BTBD9: variants seen among roughly 807,000 people sequenced by gnomAD.
The protein encoded by BTBD9 is BTB domain containing 9, also known as BTB/POZ domain-containing protein 9.
Under a neutral mutation model 64.3 loss-of-function variants are expected in BTBD9, and 49 were observed. That is an observed-to-expected ratio of 0.76 (90% CI 0.61 to 0.97). The LOEUF (loss-of-function observed/expected upper bound fraction) is 0.97, where lower values mean the gene tolerates loss of function less well. Ranked by LOEUF, BTBD9 falls within the 50% of genes least tolerant of loss-of-function variation. The pLI is 0.00. For synonymous variants in BTBD9, 260 were observed against 274.7 expected (o/e 0.95, Z 0.53); for missense variants, 598 against 762.1 (o/e 0.78, Z 2.53).
intron 7 of BTBD9, among the ~76,000 whole-genome samples, chr6:38,306,068 T>C (rs142137423): frequency 5.8e-4 from 89 of 152,352 alleles, no homozygotes; most frequent in African/African-American, 1.8e-3. Context: ...AGTGATTCTA[T>C]ATCTGAATGC....
intron 6 of BTBD9, among the ~76,000 whole-genome samples, chr6:38,574,246 C>T (rs776871810): frequency 1.3e-5 from 2 of 152,114 alleles, no homozygotes; most frequent in Non-Finnish European, 2.9e-5. Flanking sequence ...TAGATAACAT[C>T]GACTATCTTG....
At chr6:38,489,518 T>C (rs909505026) in intron 6 of BTBD9, among the ~76,000 whole-genome samples, 47 of 152,196 alleles carry the variant, frequency 3.1e-4, no homozygotes, top group African/African-American at 1.0e-3. Flanking sequence ...TTTCACTTAA[T>C]GTCAGCATTT....
At chr6:38,456,394 A>G (rs1769808591) in intron 6 of BTBD9, among the ~76,000 whole-genome samples, 1 of 152,152 alleles carries the variant, frequency 6.6e-6, no homozygotes. Context: ...TATCATATGG[A>G]GGTTTATGTT....
chr6:38,547,906 G>A (rs774133122), intron 6 of BTBD9, among the ~76,000 whole-genome samples: 2 of 152,040 alleles, frequency 1.3e-5, no homozygotes, highest in Non-Finnish European at 2.9e-5. Context: ...ATATTATCTG[G>A]CACACTGTAG....
intron 6 of BTBD9, among the ~76,000 whole-genome samples, chr6:38,429,209 C>G (rs1768324573): frequency 6.6e-6 from 1 of 151,394 alleles, no homozygotes; most frequent in Admixed American, 6.6e-5. Flanking sequence ...AATCCCAGCA[C>G]TTTGGGAGGC....
rs79226540 is a variant in BTBD9, at chr6:38,630,947, G to A, written c.-28+8853C>T. Among the ~76,000 whole-genome samples the A allele has an allele frequency of 6.3e-3, 965 of 152,254 alleles. 9 individuals are homozygous for A. Among genetic ancestry groups the A allele is most frequent in the African/African-American group, 0.022 (900 of 41,546 alleles). ...CTGTACCATATGGAAATTGAAACAC[G>A]TGCCTTCAGACAGTGGTTGAGGAAG... is the stretch of plus-strand genomic sequence containing the variant. On this transcript the variant is annotated intron_variant, in intron 1 of 10. Transcript: ENST00000481247.
chr6:38,551,670 C>T (rs964401944), intron 6 of BTBD9, among the ~76,000 whole-genome samples: 2 of 152,180 alleles, frequency 1.3e-5, no homozygotes, highest in Admixed American at 1.3e-4. Context: ...GACTCTAGAA[C>T]TGCACCCTGA....
intron 1 of BTBD9, among the ~76,000 whole-genome samples, chr6:38,602,053 T>C (rs1777264048): frequency 6.6e-6 from 1 of 152,176 alleles, no homozygotes; most frequent in African/African-American, 2.4e-5. Context: ...TGTTTGGGGA[T>C]AGAATGATCC....
In BTBD9 at chr6:38,594,259, G is replaced by A; in HGVS notation, c.254C>T (p.Ala85Val). The change falls in exon 3 of 11, where the codon GCA becomes GTA. Residue 85 changes from alanine to valine, a missense_variant. Ala to Val is a moderately conservative substitution (Grantham distance 64, BLOSUM62 0). Coordinates refer to ENST00000481247, the MANE Select transcript of BTBD9 (RefSeq NM_001099272.2). ...TTTGAGTAGCATTGTGAATGCTTCTGCAGTGGTGTCTTGGAGAGGAATTTC... is the reference window on the plus strand; with the variant it reads ...TTTGAGTAGCATTGTGAATGCTTCTACAGTGGTGTCTTGGAGAGGAATTTC... ...EAEIPLQDTT[A>V]EAFTMLLKYI... 1 of 1,614,172 alleles carries A rather than the reference G, an allele frequency of 6.2e-7. No individual in the cohort carries two copies.
intron 7 of BTBD9, among the ~76,000 whole-genome samples, chr6:38,302,215 C>T (rs1762429416): frequency 6.6e-6 from 1 of 151,884 alleles, no homozygotes; most frequent in Admixed American, 6.6e-5. Flanking sequence ...AACAGAACAC[C>T]AGAACTTATT....
At chr6:38,564,627 G>A (rs1441550458) in intron 6 of BTBD9, among the ~76,000 whole-genome samples, 2 of 152,132 alleles carry the variant, frequency 1.3e-5, no homozygotes, top group African/African-American at 2.4e-5. Context: ...GGTGACTCAC[G>A]CCTGTAATCC....
intron 8 of BTBD9, among the ~76,000 whole-genome samples, chr6:38,269,386 A>G (rs1390875050): frequency 2.0e-5 from 3 of 152,230 alleles, no homozygotes; most frequent in Non-Finnish European, 1.5e-5. Context: ...CTAGAGGAAA[A>G]AATGGCTCAT....
intron 6 of BTBD9, among the ~76,000 whole-genome samples, chr6:38,386,795 C>G (rs1278906757): frequency 6.6e-6 from 1 of 151,894 alleles, no homozygotes; most frequent in Non-Finnish European, 1.5e-5. Flanking sequence ...GGTGTATGCA[C>G]AACATCCAGC....
intron 9 of BTBD9, among the ~76,000 whole-genome samples, chr6:38,229,525 G>T (rs900591241): frequency 1.3e-5 from 2 of 152,040 alleles, no homozygotes; most frequent in Non-Finnish European, 2.9e-5. Flanking sequence ...TTTTGCACAG[G>T]TGCCCAGGCG....
At chr6:38,262,746 A>C (rs1407210458) in intron 8 of BTBD9, among the ~76,000 whole-genome samples, 1 of 152,226 alleles carries the variant, frequency 6.6e-6, no homozygotes, top group African/African-American at 2.4e-5. Flanking sequence ...GAAAGTTTCC[A>C]AATTGTAGCA....
intron 7 of BTBD9, among the ~76,000 whole-genome samples, chr6:38,322,012 T>C (rs1190466830): frequency 6.6e-6 from 1 of 151,944 alleles, no homozygotes; most frequent in East Asian, 1.9e-4. Flanking sequence ...TAACAAAGGA[T>C]TGCGAATGCT....
chr6:38,242,743 G>C (rs9296240), intron 9 of BTBD9, among the ~76,000 whole-genome samples: 16,193 of 152,222 alleles, frequency 0.11, 1,277 homozygotes, highest in East Asian at 0.45. Context: ...ATATTAGACT[G>C]AATCAAAGTT....
intron 6 of BTBD9, among the ~76,000 whole-genome samples, chr6:38,474,553 G>GAA (rs889610923): frequency 3.2e-4 from 47 of 149,026 alleles, no homozygotes; most frequent in Admixed American, 1.4e-3. Flanking sequence ...GAAAAGAAAA[G>GAA]AAGAGAAGAG....
intron 1 of BTBD9, among the ~76,000 whole-genome samples, chr6:38,624,433 T>A (rs961105376): frequency 2.0e-4 from 30 of 152,220 alleles, no homozygotes; most frequent in Admixed American, 5.9e-4. Context: ...CGCGGCTTCA[T>A]TCTTGAAGTC....
Sources: gnomAD v4.1 joint callset for allele counts (sites outside exome capture counted in the v4.1 genomes callset) on GRCh38, gnomAD v4.1.1 for gene constraint, MANE v1.5 for transcripts, NCBI Gene and HGNC (gene_info 2026-07-23, HGNC 2026-07-21) for gene names.